The following ADAM18 variants were observed in gnomAD, a reference collection of about 807,000 sequenced individuals.
ADAM18 encodes the protein disintegrin and metalloproteinase domain-containing protein 18.
ADAM18 carries 117 observed loss-of-function variants against 94.4 expected under a neutral mutation model. The ratio of observed to expected loss-of-function variants is 1.24; its 90% confidence interval spans 1.07 to 1.45. The LOEUF (loss-of-function observed/expected upper bound fraction) is 1.45, where lower values mean the gene tolerates loss of function less well. Ranked by LOEUF, ADAM18 falls within the 40% of genes most tolerant of loss-of-function variation. ADAM18 has a pLI of 0.00. For synonymous variants in ADAM18, 327 were observed against 291.6 expected (o/e 1.12, Z -1.24); for missense variants, 936 against 880.0 (o/e 1.06, Z -0.81).
chr8:39,641,915 A>G (rs1820250103), intron 10 of ADAM18, among the ~76,000 whole-genome samples: 1 of 152,120 alleles, frequency 6.6e-6, no homozygotes, highest in Admixed American at 6.6e-5. Flanking sequence ...CAACCTCTCC[A>G]GCATCTGTTA....
At chr8:39,593,579 A>G (rs1818643361) in intron 2 of ADAM18, among the ~76,000 whole-genome samples, 1 of 152,202 alleles carries the variant, frequency 6.6e-6, no homozygotes, top group Middle Eastern at 3.2e-3. Flanking sequence ...CAGAGAGCCC[A>G]GAAATGAATC....
intron 3 of ADAM18, among the ~76,000 whole-genome samples, chr8:39,608,681 C>G (rs1009098978): frequency 5.3e-5 from 8 of 151,948 alleles, no homozygotes; most frequent in African/African-American, 1.5e-4. Flanking sequence ...TACTATGTGC[C>G]CCTGGCTGTC....
intron 6 of ADAM18, among the ~76,000 whole-genome samples, chr8:39,617,383 C>A (rs998098836): frequency 1.3e-5 from 2 of 152,130 alleles, no homozygotes; most frequent in African/African-American, 4.8e-5. Flanking sequence ...AACACTTGTG[C>A]ACTGCTGATG....
chr8:39,629,869 G>C (rs189143613), intron 7 of ADAM18, among the ~76,000 whole-genome samples: 255 of 151,924 alleles, frequency 1.7e-3, no homozygotes, highest in Non-Finnish European at 2.1e-3. Flanking sequence ...GCCCAAACTA[G>C]CCTAGAATGC....
intron 6 of ADAM18, among the ~76,000 whole-genome samples, chr8:39,622,654 T>G (rs1819646741): frequency 6.6e-6 from 1 of 152,070 alleles, no homozygotes; most frequent in Non-Finnish European, 1.5e-5. Flanking sequence ...ATCAAAATAA[T>G]ACAATCAAAC....
chr8:39,662,840 G>A (rs1481682918), intron 12 of ADAM18, among the ~76,000 whole-genome samples: 1 of 152,116 alleles, frequency 6.6e-6, no homozygotes, highest in Non-Finnish European at 1.5e-5. Flanking sequence ...GGCCAGGCTG[G>A]TCTTGAACTC....
At chr8:39,728,130 T>G (rs1450144868) in intron 19 of ADAM18, among the ~76,000 whole-genome samples, 4 of 152,050 alleles carry the variant, frequency 2.6e-5, no homozygotes, top group Non-Finnish European at 5.9e-5. Flanking sequence ...AAGAACTCAC[T>G]ATTACCAGGA....
intron 11 of ADAM18, among the ~76,000 whole-genome samples, chr8:39,647,008 C>T (rs1265440570): frequency 6.6e-6 from 1 of 151,956 alleles, no homozygotes; most frequent in East Asian, 1.9e-4. Flanking sequence ...CCCCTCCACA[C>T]CTGTGGGATA....
At chr8:39,637,827 C>T in intron 9 of ADAM18, 124 bp downstream of exon 9, 1 of 813,130 alleles carries the variant, frequency 1.2e-6, no homozygotes, top group Non-Finnish European at 1.8e-6. Flanking sequence ...AAATTAGTAG[C>T]CTTTGTCATA....
intron 2 of ADAM18, among the ~76,000 whole-genome samples, chr8:39,593,844 T>C (rs1818654102): frequency 6.6e-6 from 1 of 152,194 alleles, no homozygotes; most frequent in Non-Finnish European, 1.5e-5. Flanking sequence ...TCCTTTGATT[T>C]ATGTTTACAT....
Position 39,669,055 on chromosome 8 carries a change from A to ATG in ADAM18, c.1525+869_1525+870dup, listed in dbSNP as rs953837746. 3.9e-5 allele frequency among the ~76,000 whole-genome samples: 6 copies of ATG among 151,980 alleles called. No individual in the cohort carries two copies. In the East Asian group the frequency reaches 1.2e-3, roughly 29 times the overall value. ...CTATTTTTCTAGAATGCTACTTTTTATGTGTGTGTGTTTTGTTTTTTTAAT... is the reference window on the plus strand; with the variant it reads ...CTATTTTTCTAGAATGCTACTTTTTATGTGTGTGTGTGTTTTGTTTTTTTAAT... On this transcript the variant is annotated intron_variant, in intron 14 of 19. Coordinates refer to ENST00000265707, the MANE Select transcript of ADAM18 (RefSeq NM_014237.3).
At position 39,621,892 on chromosome 8, in the gene ADAM18, G is replaced by A. The variant is rs117645758; in HGVS notation, c.523-7482G>A. ...AAATGATGAGAACACATGGACACAT[G>A]TGGGGAAACAACACACACTGGGTTC... On this transcript the variant is annotated intron_variant, in intron 6 of 19. Coordinates refer to ENST00000265707, the MANE Select transcript of ADAM18 (RefSeq NM_014237.3). Among the ~76,000 whole-genome samples, 1,225 of 152,238 alleles carry A rather than the reference G, an allele frequency of 8.0e-3. 8 individuals carry two copies. The highest frequency in any genetic ancestry group is 0.014 in the Non-Finnish European group (971 of 68,006).
intron 11 of ADAM18, 132 bp from the exon 12 acceptor site, chr8:39,648,212 T>C (rs960857313): frequency 7.0e-6 from 4 of 572,598 alleles, no homozygotes; most frequent in South Asian, 4.2e-5. Flanking sequence ...TAATTATCCT[T>C]GGTTGAATCT....
At chr8:39,663,061 T>C (rs188259298) in intron 12 of ADAM18, among the ~76,000 whole-genome samples, 236 of 152,280 alleles carry the variant, frequency 1.5e-3, no homozygotes, top group Non-Finnish European at 2.1e-3. Flanking sequence ...ACTGCCTCAC[T>C]CTAACTTTAT....
intron 18 of ADAM18, among the ~76,000 whole-genome samples, chr8:39,722,235 A>G (rs1396437774): frequency 0.12 from 5,090 of 44,184 alleles, 176 homozygotes; most frequent in Middle Eastern, 0.15. Flanking sequence ...ATATATATAT[A>G]TATATATATA....
At chr8:39,722,395 G>A (rs1010753549) in intron 18 of ADAM18, among the ~76,000 whole-genome samples, 1 of 150,758 alleles carries the variant, frequency 6.6e-6, no homozygotes, top group African/African-American at 2.4e-5. Flanking sequence ...GGAACTGGAG[G>A]CATTAACCTA....
At chr8:39,672,437 C>T (rs1821181613) in intron 14 of ADAM18, among the ~76,000 whole-genome samples, 1 of 152,182 alleles carries the variant, frequency 6.6e-6, no homozygotes. Flanking sequence ...CAGTAGCAGA[C>T]ATGGGTACCT....
chr8:39,617,928 A>G (rs556730631), intron 6 of ADAM18, among the ~76,000 whole-genome samples: 5 of 152,112 alleles, frequency 3.3e-5, no homozygotes, highest in Non-Finnish European at 7.4e-5. Context: ...CCCCTGTGAC[A>G]TGCAATTTAC....
chr8:39,657,334 A>G (rs888037922), intron 12 of ADAM18, among the ~76,000 whole-genome samples: 1 of 152,062 alleles, frequency 6.6e-6, no homozygotes, highest in African/African-American at 2.4e-5. Flanking sequence ...GTTTTTTGAG[A>G]CAGCCTTGCT....
Sources: allele counts gnomAD v4.1 joint callset (sites outside exome capture counted in the v4.1 genomes callset), GRCh38; gene constraint gnomAD v4.1.1; transcripts MANE v1.5; gene names NCBI Gene and HGNC (gene_info 2026-07-23, HGNC 2026-07-21).